Variants in CACNA2D3 observed in about 807,000 individuals in gnomAD.
CACNA2D3 encodes the protein calcium voltage-gated channel auxiliary subunit alpha2delta 3, also known as voltage-dependent calcium channel subunit alpha-2/delta-3.
A neutral mutation model predicts 160.6 loss-of-function variants in CACNA2D3; 60 were observed. The ratio of observed to expected loss-of-function variants is 0.37; its 90% CI spans 0.30 to 0.46. CACNA2D3 has a LOEUF of 0.46. Among genes scored for constraint, CACNA2D3 ranks in the 20% least tolerant of loss-of-function variants. CACNA2D3 has a pLI of 1.00. For synonymous variants in CACNA2D3, 558 were observed against 492.9 expected, an observed-to-expected ratio of 1.13 and a Z score of -1.75; for missense variants, 1,205 against 1,365.0, an observed-to-expected ratio of 0.88 and a Z score of 1.85.
At chr3:54,284,291 T>TA (rs930186888) in intron 2 of CACNA2D3, among the ~76,000 whole-genome samples, 49 of 151,196 alleles carry the variant, frequency 3.2e-4, no homozygotes, top group Admixed American at 2.9e-3. Context: ...AAAATTAAAT[T>TA]AAAAAAATTA....
chr3:54,223,114 G>C (rs1301906687), intron 2 of CACNA2D3, among the ~76,000 whole-genome samples: 2 of 152,054 alleles, frequency 1.3e-5, no homozygotes, highest in African/African-American at 4.8e-5. Context: ...ATATTACAAA[G>C]TGCATATTTA....
chr3:55,031,270 C>G (rs186283331), intron 35 of CACNA2D3, among the ~76,000 whole-genome samples: 3 of 152,184 alleles, frequency 2.0e-5, no homozygotes, highest in African/African-American at 4.8e-5. Context: ...TGTGTTCCCC[C>G]CTTGCTGTGC....
intron 27 of CACNA2D3, among the ~76,000 whole-genome samples, chr3:54,956,902 C>G (rs566067852): frequency 1.3e-5 from 2 of 152,028 alleles, no homozygotes; most frequent in South Asian, 4.2e-4. Context: ...AACCTCTTTG[C>G]CTTTGCTGTA....
chr3:54,260,958 G>A (rs1575351008), intron 2 of CACNA2D3, among the ~76,000 whole-genome samples: 1 of 152,154 alleles, frequency 6.6e-6, no homozygotes, highest in African/African-American at 2.4e-5. Flanking sequence ...TCTGAACTCT[G>A]AATTCATTTC....
rs766908269 is a variant in CACNA2D3, at chr3:54,256,620, A to G, written c.205-63822A>G. Among the ~76,000 whole-genome samples the G allele has an allele frequency of 3.9e-5, 6 of 152,286 alleles. No homozygotes were observed. The South Asian group carries it at 1.2e-3, about 32-fold the overall frequency. ...AGAGGGTCCACATTTTTCTGTATGCACTAGAATATGATGAATGACACACAC... is the reference window on the plus strand; with the variant it reads ...AGAGGGTCCACATTTTTCTGTATGCGCTAGAATATGATGAATGACACACAC... On this transcript the variant is annotated intron_variant, in intron 2 of 37. Coordinates refer to ENST00000474759, the MANE Select transcript of CACNA2D3 (RefSeq NM_018398.3).
intron 27 of CACNA2D3, among the ~76,000 whole-genome samples, chr3:54,930,853 T>C (rs1012567854): frequency 4.6e-5 from 7 of 152,112 alleles, no homozygotes; most frequent in African/African-American, 1.7e-4. Context: ...CCCAATATAC[T>C]TTGGGAGGCT....
At chr3:54,669,586 C>A (rs1018884353) in intron 11 of CACNA2D3, among the ~76,000 whole-genome samples, 3 of 151,942 alleles carry the variant, frequency 2.0e-5, no homozygotes, top group Non-Finnish European at 4.4e-5. Flanking sequence ...ATTTTTTGTT[C>A]TATATTTAGA....
At chr3:55,009,116 A>G (rs1367083719) in intron 33 of CACNA2D3, among the ~76,000 whole-genome samples, 1 of 152,250 alleles carries the variant, frequency 6.6e-6, no homozygotes, top group East Asian at 1.9e-4. Flanking sequence ...GGTGAACAAC[A>G]ACGAGAAAAG....
intron 29 of CACNA2D3, among the ~76,000 whole-genome samples, chr3:54,970,714 C>G (rs1375373353): frequency 6.7e-6 from 1 of 149,548 alleles, no homozygotes; most frequent in African/African-American, 2.5e-5. Flanking sequence ...TGCCACTACC[C>G]AAAGTGTTTC....
At chr3:54,753,705 A>G (rs965943685) in intron 12 of CACNA2D3, among the ~76,000 whole-genome samples, 1 of 152,230 alleles carries the variant, frequency 6.6e-6, no homozygotes, top group African/African-American at 2.4e-5. Flanking sequence ...CTAATACTCA[A>G]AATGGTAATG....
At chr3:54,628,450 T>A (rs1007744173) in intron 10 of CACNA2D3, among the ~76,000 whole-genome samples, 10 of 152,162 alleles carry the variant, frequency 6.6e-5, no homozygotes, top group African/African-American at 2.2e-4. Flanking sequence ...ATAGAGACAC[T>A]AATGAGGGCT....
chr3:54,247,064 C>T (rs989269748), intron 2 of CACNA2D3, among the ~76,000 whole-genome samples: 1 of 152,060 alleles, frequency 6.6e-6, no homozygotes. Context: ...GTAGTCCCAG[C>T]ACTTTGGGAG....
rs539006808 is a variant in CACNA2D3 at position 55,009,384 on chromosome 3, T to C, written c.2820-4T>C. ...AACATTGGGCTTTTCCACGATCTGT[T>C]TAGGTTCCTGGTGGAATTTAACCTC... On this transcript the variant is annotated splice_polypyrimidine_tract_variant and splice_region_variant and intron_variant, in intron 33 of 37. Transcript: ENST00000474759. The C allele has an allele frequency of 5.6e-5, 91 of 1,613,590 alleles. No individual in the cohort carries two copies. The Admixed American group carries it at 1.5e-3, about 26-fold the overall frequency.
At chr3:54,720,973 A>G (rs1559558698) in intron 11 of CACNA2D3, among the ~76,000 whole-genome samples, 1 of 152,032 alleles carries the variant, frequency 6.6e-6, no homozygotes, top group Non-Finnish European at 1.5e-5. Context: ...TAATCTTGCT[A>G]TTTTTCTTAT....
At chr3:54,825,951 C>A (rs186516986) in intron 14 of CACNA2D3, among the ~76,000 whole-genome samples, 8 of 152,254 alleles carry the variant, frequency 5.3e-5, no homozygotes, top group Admixed American at 2.6e-4. Context: ...AGAAAACACA[C>A]ATACCATATG....
chr3:54,275,366 CT>C (rs1418218392), intron 2 of CACNA2D3, among the ~76,000 whole-genome samples: 2 of 151,490 alleles, frequency 1.3e-5, no homozygotes, highest in African/African-American at 2.4e-5. Flanking sequence ...CAGTCTGAAA[CT>C]TAGATTTTTT....
rs1226837286 is a variant in CACNA2D3, at chr3:54,569,942, CCCT to C, written c.738-11_738-9del. 1 of 1,613,622 alleles carries C rather than the reference CCCT, an allele frequency of 6.2e-7. No homozygotes were observed. The highest frequency in any genetic ancestry group is 8.5e-7 in the Non-Finnish European group (1 of 1,179,732). ...CAGGATTAATTTTGACTTAATTTTT[CCCT>C]TGACCTAGGTACATCCAGGCAGCAA... On this transcript the variant is annotated splice_polypyrimidine_tract_variant and intron_variant, in intron 7 of 37. Transcript: ENST00000474759.
chr3:55,069,930 C>T (rs1704761891), intron 35 of CACNA2D3, among the ~76,000 whole-genome samples: 1 of 152,210 alleles, frequency 6.6e-6, no homozygotes, highest in Non-Finnish European at 1.5e-5. Context: ...ATTTCTTGAT[C>T]ATGAGTGCCA....
At chr3:54,278,721 A>G (rs906537981) in intron 2 of CACNA2D3, among the ~76,000 whole-genome samples, 18 of 152,148 alleles carry the variant, frequency 1.2e-4, no homozygotes, top group Non-Finnish European at 2.1e-4. Flanking sequence ...ATTCTCAGCA[A>G]ACTAACACAG....
Sources: allele counts gnomAD v4.1 joint callset (sites outside exome capture counted in the v4.1 genomes callset), GRCh38; gene constraint gnomAD v4.1.1; transcripts MANE v1.5; gene names NCBI Gene and HGNC (gene_info 2026-07-23, HGNC 2026-07-21).